The following JAKMIP3 variants were observed in gnomAD, a reference collection of about 807,000 sequenced individuals.
The protein encoded by JAKMIP3 is Janus kinase and microtubule interacting protein 3.
A neutral mutation model predicts 118.5 loss-of-function variants in JAKMIP3; 58 were observed. The observed-to-expected ratio is 0.49, with a 90% CI of 0.40 to 0.61. The LOEUF (loss-of-function observed/expected upper bound fraction) is 0.61. JAKMIP3 is among the 20% of genes least tolerant of loss of function. JAKMIP3 has a pLI of 0.00. For synonymous variants in JAKMIP3, 486 were observed against 451.2 expected (o/e 1.08, Z -0.98); for missense variants, 950 against 1,109.0 (o/e 0.86, Z 2.04).
intron 19 of JAKMIP3, among the ~76,000 whole-genome samples, chr10:132,161,082 C>CTAT (rs2058184090): frequency 5.4e-5 from 4 of 74,008 alleles, no homozygotes; most frequent in Non-Finnish European, 8.2e-5. Context: ...GCTGGGGGGG[C>CTAT]CTCTTCCTGT....
intron 2 of JAKMIP3, among the ~76,000 whole-genome samples, chr10:132,109,408 G>A (rs2046497585): frequency 6.6e-6 from 1 of 152,196 alleles, no homozygotes; most frequent in Middle Eastern, 3.2e-3. Context: ...CACAATTAAC[G>A]AATGACCTCA....
chr10:132,105,149 G>C (rs945912458), intron 2 of JAKMIP3, among the ~76,000 whole-genome samples: 2 of 152,208 alleles, frequency 1.3e-5, no homozygotes, highest in African/African-American at 4.8e-5. Context: ...GTGCCGTGGT[G>C]GTGACCGCAA....
At position 132,117,111 on chromosome 10, in the gene JAKMIP3, T is replaced by C; in HGVS notation, c.170T>C (p.Leu57Pro). ...GTGGAACGCGAGAAGAACCAGGAGC[T>C]GCGGCAGGTGCGCGAGCATGAGCAG... ...SKVEREKNQE[L>P]RQVREHEQHK... The change falls in exon 3 of 24, where the codon CTG becomes CCG. Residue 57 changes from leucine to proline, a missense_variant. By Grantham distance (98) the Leu-to-Pro change is moderately conservative (BLOSUM62 -3). Coordinates refer to ENST00000684848, the MANE Select transcript of JAKMIP3 (RefSeq NM_001323087.2). The surrounding 1 kb of genome is among the most constrained non-coding windows in gnomAD (Gnocchi z 8.6). 1 of 1,611,868 alleles carries C rather than the reference T, an allele frequency of 6.2e-7. No individual in the cohort carries two copies. Among genetic ancestry groups the C allele is most frequent in the Non-Finnish European group, 8.5e-7 (1 of 1,178,376 alleles).
intron 23 of JAKMIP3, among the ~76,000 whole-genome samples, chr10:132,170,687 G>A (rs552728812): frequency 2.0e-5 from 3 of 152,314 alleles, no homozygotes; most frequent in South Asian, 2.1e-4. Context: ...AGGCCACACC[G>A]TCATCAGGGA....
chr10:132,062,083 T>C (rs1410353937), upstream of JAKMIP3, among the ~76,000 whole-genome samples: 1 of 151,326 alleles, frequency 6.6e-6, no homozygotes, highest in Non-Finnish European at 1.5e-5. Flanking sequence ...CTGAGAGCCA[T>C]GGATGATGAG....
intron 1 of JAKMIP3, among the ~76,000 whole-genome samples, chr10:132,058,698 C>T (rs1236051928): frequency 2.6e-5 from 4 of 152,176 alleles, no homozygotes; most frequent in East Asian, 1.9e-4. Context: ...GGGGAGGGGA[C>T]GCACCCGGCT....
At position 132,117,244 on chromosome 10, in the gene JAKMIP3, G is replaced by A. The variant is rs963248529; in HGVS notation, c.303G>A (p.Glu101=). The part of the protein sequence containing the change: ...RETLLRQHEA[E]LLRVIKIKDN... ...CGCTGCTGCGGCAGCATGAGGCTGA[G>A]CTGCTCAGGGTCATCAAGATCAAGG... The change falls in exon 3 of 24, where the codon GAG becomes GAA. Residue 101 remains glutamate (E), a synonymous_variant. Transcript: ENST00000684848. This position sits in a 1 kb window ranked among gnomAD's most constrained non-coding sequence, Gnocchi z 8.6. 1 of 1,613,858 alleles carries A rather than the reference G, an allele frequency of 6.2e-7. No homozygotes were observed. The highest frequency in any genetic ancestry group is 1.3e-5 in the African/African-American group (1 of 74,948).
At chr10:132,167,388 CGGCAGCAGGCCCT>C (rs1008998577) in intron 22 of JAKMIP3, among the ~76,000 whole-genome samples, 2 of 152,160 alleles carry the variant, frequency 1.3e-5, no homozygotes, top group Non-Finnish European at 2.9e-5. Flanking sequence ...TGGTGGCACT[CGGCAGCAGGCCCT>C]GGGGGCAGAC....
At chr10:132,163,901 A>G (rs1467629657) in intron 20 of JAKMIP3, among the ~76,000 whole-genome samples, 1 of 152,184 alleles carries the variant, frequency 6.6e-6, no homozygotes, top group Non-Finnish European at 1.5e-5. Flanking sequence ...GCCTCAGGGC[A>G]CTGTGGGACC....
intron 23 of JAKMIP3, chr10:132,170,298 A>C (rs2059361940): frequency 6.6e-6 from 1 of 152,356 alleles, no homozygotes; most frequent in African/African-American, 2.4e-5. Flanking sequence ...GCGGCTGGGG[A>C]CAGGGAACGC....
Position 132,153,979 on chromosome 10 carries a change from C to T in JAKMIP3, c.2209C>T (p.Gln737Ter). 1.9e-6 allele frequency: 3 copies of T among 1,612,896 alleles called. No homozygotes were observed. The highest frequency in any genetic ancestry group is 2.5e-6 in the Non-Finnish European group (3 of 1,179,820). ...ELDYRKQALD[Q>*]ANKHILELEA... ...GGACTACCGGAAACAGGCCTTGGAC[C>T]AGGCCAACAAGGTGAGAGGCACGAG... Residue 737 changes from glutamine (Q) to a stop codon, truncating the protein, a stop_gained, in exon 19 of 24, where the codon CAG becomes TAG. Coordinates refer to ENST00000684848, the MANE Select transcript of JAKMIP3 (RefSeq NM_001323087.2). LOFTEE classifies it high-confidence loss of function.
intron 3 of JAKMIP3, among the ~76,000 whole-genome samples, chr10:132,122,029 G>A (rs2048618792): frequency 6.6e-6 from 1 of 152,174 alleles, no homozygotes; most frequent in Non-Finnish European, 1.5e-5. Flanking sequence ...CTTTACTTTG[G>A]GTCTGTTTTG....
chr10:132,104,436 A>G (rs74161722), intron 1 of JAKMIP3, among the ~76,000 whole-genome samples: 35,115 of 152,050 alleles, frequency 0.23, 4,679 homozygotes, highest in African/African-American at 0.38. Flanking sequence ...TGTTCATCCC[A>G]TGCTGGGCGT....
At chr10:132,102,620 G>A (rs2045152965) in intron 1 of JAKMIP3, among the ~76,000 whole-genome samples, 1 of 152,210 alleles carries the variant, frequency 6.6e-6, no homozygotes, top group African/African-American at 2.4e-5. Flanking sequence ...CTGGGTGTCT[G>A]CATCGCCTCC....
At chr10:132,162,804 C>T (rs9419384) in intron 19 of JAKMIP3, among the ~76,000 whole-genome samples, 18,304 of 75,882 alleles carry the variant, frequency 0.24, 2,422 homozygotes, top group East Asian at 0.68. Flanking sequence ...CTGGTTATAG[C>T]ACCAGGATCG....
rs574243404 is a variant in JAKMIP3 at position 132,092,922 on chromosome 10, A to T, written c.-137-11750A>T. On this transcript the variant is annotated intron_variant, in intron 1 of 23. Coordinates refer to ENST00000684848, the MANE Select transcript of JAKMIP3 (RefSeq NM_001323087.2). ...TTTTATCTACCTTTGATCTTTTTTGATGGTGACGTACAGATGGGGTTTTTG... is the reference window on the plus strand; with the variant it reads ...TTTTATCTACCTTTGATCTTTTTTGTTGGTGACGTACAGATGGGGTTTTTG... Among the ~76,000 whole-genome samples the T allele has an allele frequency of 1.6e-4, 25 of 151,738 alleles. No individual in the cohort carries two copies. The South Asian group carries it at 1.9e-3, about 11-fold the overall frequency.
intron 3 of JAKMIP3, among the ~76,000 whole-genome samples, chr10:132,122,222 G>A (rs941884796): frequency 1.1e-4 from 17 of 150,830 alleles, no homozygotes; most frequent in African/African-American, 3.9e-4. Flanking sequence ...ACTGCCCCCC[G>A]GTCGGCTCCC....
At chr10:132,065,186 C>T (rs1053383691), upstream of JAKMIP3, among the ~76,000 whole-genome samples, 7 of 152,094 alleles carry the variant, frequency 4.6e-5, no homozygotes, top group African/African-American at 1.7e-4. The surrounding 1 kb of genome is among the most constrained non-coding windows in gnomAD (Gnocchi z 5.6). Context: ...TCTAAGCGGC[C>T]TCCTGCTTGG....
At chr10:132,172,152 G>A (rs1223573912) in intron 23 of JAKMIP3, among the ~76,000 whole-genome samples, 4 of 152,084 alleles carry the variant, frequency 2.6e-5, no homozygotes, top group Non-Finnish European at 4.4e-5. Flanking sequence ...TGGCCTCGAC[G>A]CTTGGATAAG....
Sources: allele counts gnomAD v4.1 joint callset (sites outside exome capture counted in the v4.1 genomes callset), GRCh38; gene constraint gnomAD v4.1.1; non-coding constraint Gnocchi (gnomAD v3.1); transcripts MANE v1.5; gene names NCBI Gene and HGNC (gene_info 2026-07-23, HGNC 2026-07-21).